PGAP1: variants seen among roughly 807,000 people sequenced by gnomAD.
The protein encoded by PGAP1 is post-GPI attachment to proteins inositol deacylase 1, also known as GPI inositol-deacylase.
PGAP1 carries 76 observed loss-of-function variants against 127.0 expected under a neutral mutation model. The ratio of observed to expected loss-of-function variants is 0.60; its 90% confidence interval spans 0.50 to 0.72. PGAP1 has a LOEUF of 0.72. PGAP1 is among the 30% of genes least tolerant of loss of function. The pLI is 0.00. For synonymous variants in PGAP1, 362 were observed against 366.5 expected, an observed-to-expected ratio of 0.99 and a Z score of 0.14; for missense variants, 982 against 1,071.3, an observed-to-expected ratio of 0.92 and a Z score of 1.16.
At chr2:196,884,386 T>A (rs1427028230) in intron 12 of PGAP1, among the ~76,000 whole-genome samples, 7 of 152,096 alleles carry the variant, frequency 4.6e-5, no homozygotes, top group Admixed American at 4.6e-4. Flanking sequence ...TGTTCAAGAG[T>A]CAATTTACTT....
At chr2:196,926,401 C>T in intron 1 of PGAP1, 69 bp downstream of exon 1, 1 of 1,603,420 alleles carries the variant, frequency 6.2e-7, no homozygotes, top group Non-Finnish European at 8.5e-7. Flanking sequence ...AGGACGAACC[C>T]ACAGAAGGAA....
chr2:196,849,286 A>G (rs970683398), intron 20 of PGAP1, among the ~76,000 whole-genome samples: 37 of 143,128 alleles, frequency 2.6e-4, no homozygotes, highest in African/African-American at 8.3e-4. Flanking sequence ...TTTTTTTTAT[A>G]AAGAGTCTCA....
At chr2:196,917,118 T>A (rs1369382489) in intron 2 of PGAP1, among the ~76,000 whole-genome samples, 1 of 152,176 alleles carries the variant, frequency 6.6e-6, no homozygotes, top group East Asian at 1.9e-4. Flanking sequence ...ATTGTCCTAA[T>A]CCAAACACTA....
At position 196,841,187 on chromosome 2, in the gene PGAP1, C is replaced by A. The variant is rs1472807173; in HGVS notation, c.*47G>T. ...TGGATCTGTGTGTTCCCTCTTATCA[C>A]TGGCCCTAAACACATAAATTATCTT... On this transcript the variant is annotated 3_prime_UTR_variant, in exon 27 of 27. Transcript: ENST00000354764. The A allele has an allele frequency of 1.9e-6, 3 of 1,555,986 alleles. No homozygotes were observed. In the East Asian group the frequency reaches 6.9e-5, roughly 36 times the overall value.
chr2:196,846,576 C>T (rs1042509249), intron 22 of PGAP1, among the ~76,000 whole-genome samples: 1 of 152,096 alleles, frequency 6.6e-6, no homozygotes, highest in Non-Finnish European at 1.5e-5. Context: ...TCATTGGGCC[C>T]ATAATAAAAC....
chr2:196,890,196 A>G (rs949589786), intron 10 of PGAP1, among the ~76,000 whole-genome samples: 1 of 152,110 alleles, frequency 6.6e-6, no homozygotes, highest in African/African-American at 2.4e-5. Flanking sequence ...CAGCCTCCCA[A>G]GGTGCTAGGA....
chr2:196,877,772 T>G (rs554299261), intron 13 of PGAP1: 6 of 152,154 alleles, frequency 3.9e-5, no homozygotes, highest in African/African-American at 1.2e-4. Context: ...ACAAATCTTA[T>G]GAACCTTCTC....
Position 196,926,626 on chromosome 2 carries a change from ACCACCGCCGCCGCCG to A in PGAP1, c.-25_-11del. ...CTGAGTGAAGAAACATGGTGCCGCC[ACCACCGCCGCCGCCG>A]CCGCCGCCCCCTCTACCTCCTTCTC... On this transcript the variant is annotated 5_prime_UTR_variant, in exon 1 of 27. Transcript: ENST00000354764. The A allele has an allele frequency of 6.2e-7, 1 of 1,612,982 alleles. No homozygotes were observed. Among genetic ancestry groups the A allele is most frequent in the Non-Finnish European group, 8.5e-7 (1 of 1,179,708 alleles).
At chr2:196,873,972 T>TA in intron 14 of PGAP1, 1 of 424,508 alleles carries the variant, frequency 2.4e-6, no homozygotes, top group Non-Finnish European at 4.2e-6. Flanking sequence ...TATCTGCTTT[T>TA]AAAAAAGTCA....
intron 7 of PGAP1, among the ~76,000 whole-genome samples, chr2:196,894,782 AC>A (rs937586595): frequency 1.8e-4 from 27 of 152,326 alleles, no homozygotes; most frequent in Admixed American, 1.4e-3. Context: ...AGCCTGGGTG[AC>A]AGAGCAAGAC....
intron 20 of PGAP1, among the ~76,000 whole-genome samples, chr2:196,858,585 C>T (rs570976387): frequency 2.6e-4 from 40 of 151,710 alleles, no homozygotes; most frequent in African/African-American, 8.2e-4. Context: ...AGTAGAAAGA[C>T]TTCAAATAAA....
chr2:196,871,469 T>TA (rs537508129), intron 18 of PGAP1, among the ~76,000 whole-genome samples: 87 of 151,952 alleles, frequency 5.7e-4, no homozygotes, highest in African/African-American at 1.1e-3. Flanking sequence ...GCAGTATTTG[T>TA]AAAAAAAATG....
intron 2 of PGAP1, 38 bp downstream of exon 2, chr2:196,919,959 T>C (rs368073290): frequency 3.8e-6 from 6 of 1,577,594 alleles, no homozygotes; most frequent in Non-Finnish European, 5.2e-6. Flanking sequence ...TTGAGTTGAA[T>C]TTTATAGCTT....
At chr2:196,922,485 A>C in intron 1 of PGAP1, 15 of 981,830 alleles carry the variant, frequency 1.5e-5, no homozygotes, top group Non-Finnish European at 1.6e-5. Context: ...AAAAGGCCTT[A>C]AGGACAACTG....
chr2:196,913,132 C>G (rs1702888511), intron 3 of PGAP1, 79 bp from the exon 4 acceptor site: 2 of 1,299,408 alleles, frequency 1.5e-6, no homozygotes, highest in African/African-American at 1.5e-5. Context: ...CTGCATATGA[C>G]CAATTTTATA....
At chr2:196,905,648 G>A (rs531306532) in intron 4 of PGAP1, among the ~76,000 whole-genome samples, 72 of 152,046 alleles carry the variant, frequency 4.7e-4, no homozygotes, top group South Asian at 4.2e-4. Flanking sequence ...CAGCGTGAGC[G>A]ACGCAGAAGA....
intron 20 of PGAP1, among the ~76,000 whole-genome samples, chr2:196,851,220 G>A (rs574378600): frequency 7.9e-5 from 12 of 151,810 alleles, no homozygotes; most frequent in Non-Finnish European, 1.6e-4. Flanking sequence ...GGCTGTGAAG[G>A]GAGGGTTCTC....
intron 19 of PGAP1, among the ~76,000 whole-genome samples, chr2:196,866,624 A>T (rs1467066865): frequency 1.3e-5 from 2 of 152,222 alleles, no homozygotes; most frequent in African/African-American, 2.4e-5. Context: ...GGCAAATGGG[A>T]TCTAATTAAA....
intron 1 of PGAP1, among the ~76,000 whole-genome samples, chr2:196,925,897 T>C (rs116211854): frequency 0.01 from 1,544 of 152,164 alleles, 24 homozygotes; most frequent in African/African-American, 0.035. Flanking sequence ...AGTTTACCCA[T>C]AGGCAAAACC....
Sources: gnomAD v4.1 joint callset for allele counts (sites outside exome capture counted in the v4.1 genomes callset) on GRCh38, gnomAD v4.1.1 for gene constraint, MANE v1.5 for transcripts, NCBI Gene and HGNC (gene_info 2026-07-23, HGNC 2026-07-21) for gene names.